CCDC102B: variants seen among roughly 807,000 people sequenced by gnomAD.
CCDC102B encodes the protein coiled-coil domain containing 102B.
Under a neutral mutation model 57.4 loss-of-function variants are expected in CCDC102B, and 75 were observed. The observed-to-expected ratio is 1.31, with a 90% confidence interval of 1.08 to 1.58. The LOEUF (loss-of-function observed/expected upper bound fraction) is 1.58. Among genes scored for constraint, CCDC102B ranks in the 40% most tolerant of loss-of-function variants. The probability of loss-of-function intolerance (pLI) is 0.00; values close to 1 mark genes in which losing one functional copy is unlikely to be tolerated. For missense variants in CCDC102B, 636 were observed against 582.6 expected (o/e 1.09, Z -0.94); for synonymous variants, 206 against 201.9 (o/e 1.02, Z -0.17).
chr18:69,021,375 A>G, intron 7 of CCDC102B, among the ~76,000 whole-genome samples: 1 of 152,210 alleles, frequency 6.6e-6, no homozygotes. Context: ...AAGAAATCAG[A>G]AAGAAGCCAT....
chr18:68,727,184 A>G (rs1170661469), intron 2 of CCDC102B, among the ~76,000 whole-genome samples: 4 of 152,216 alleles, frequency 2.6e-5, no homozygotes, highest in Non-Finnish European at 4.4e-5. Context: ...TGTTTGGACC[A>G]TATTGTGCTA....
At chr18:68,798,493 G>A (rs756540281) in intron 1 of CCDC102B, 1 of 152,120 alleles carries the variant, frequency 6.6e-6, no homozygotes, top group Non-Finnish European at 1.5e-5. Context: ...AATAGTATAT[G>A]TTGATATTAA....
intron 2 of CCDC102B, chr18:68,838,426 A>G: frequency 1.0e-6 from 1 of 985,322 alleles, no homozygotes; most frequent in Non-Finnish European, 1.2e-6. Context: ...AAGTTTGTGC[A>G]GAGTTATTTT....
chr18:68,978,196 G>C (rs2050490434), intron 6 of CCDC102B, among the ~76,000 whole-genome samples: 1 of 152,010 alleles, frequency 6.6e-6, no homozygotes, highest in Non-Finnish European at 1.5e-5. Flanking sequence ...TCAGGGAGAT[G>C]ATAACCTTAC....
intron 6 of CCDC102B, among the ~76,000 whole-genome samples, chr18:68,980,963 T>G: frequency 6.6e-6 from 1 of 152,090 alleles, no homozygotes; most frequent in East Asian, 1.9e-4. Flanking sequence ...TGAGCAACAT[T>G]ATAAGTCCCA....
chr18:69,021,582 A>G (rs764532110), intron 7 of CCDC102B, among the ~76,000 whole-genome samples: 2 of 152,222 alleles, frequency 1.3e-5, no homozygotes, highest in African/African-American at 2.4e-5. Context: ...TTCAATCCTA[A>G]GTATATACAG....
intron 2 of CCDC102B, among the ~76,000 whole-genome samples, chr18:68,787,063 T>C (rs1205420143): frequency 3.3e-5 from 5 of 149,574 alleles, no homozygotes; most frequent in Admixed American, 2.0e-4. Context: ...GTCAAAGGCC[T>C]TTTCTGCATC....
chr18:68,942,870 T>A (rs1189255973), intron 6 of CCDC102B, among the ~76,000 whole-genome samples: 2 of 137,924 alleles, frequency 1.5e-5, no homozygotes, highest in African/African-American at 5.1e-5. Context: ...CGAGGCCATG[T>A]TTCAGACTAT....
intron 2 of CCDC102B, among the ~76,000 whole-genome samples, chr18:68,782,657 A>T (rs141109282): frequency 2.8e-4 from 42 of 152,288 alleles, no homozygotes; most frequent in African/African-American, 9.4e-4. Flanking sequence ...AATTTCCAGT[A>T]GTTGGAAATA....
intron 3 of CCDC102B, among the ~76,000 whole-genome samples, chr18:68,842,757 G>A (rs2037692738): frequency 6.6e-6 from 1 of 152,180 alleles, no homozygotes. Flanking sequence ...CCGAAATAGT[G>A]TGCTTACAGG....
chr18:69,045,093 C>T (rs1051548906), intron 7 of CCDC102B, among the ~76,000 whole-genome samples: 3 of 152,146 alleles, frequency 2.0e-5, no homozygotes, highest in African/African-American at 4.8e-5. Flanking sequence ...CTTACAACTT[C>T]ATTTAGCCTT....
At chr18:69,035,537 G>A (rs1231625731) in intron 7 of CCDC102B, among the ~76,000 whole-genome samples, 1 of 152,006 alleles carries the variant, frequency 6.6e-6, no homozygotes, top group East Asian at 1.9e-4. Context: ...GGAGGACCTG[G>A]AATTGATTCT....
intron 6 of CCDC102B, among the ~76,000 whole-genome samples, chr18:68,998,999 TAGAGAGAGAGAG>T (rs60271182): frequency 0.013 from 578 of 43,216 alleles, no homozygotes; most frequent in East Asian, 0.027. Context: ...TATATATATA[TAGAGAGAGAGAG>T]AGAGAGAGAG....
At chr18:68,750,815 G>T (rs2033818077) in intron 2 of CCDC102B, among the ~76,000 whole-genome samples, 1 of 119,200 alleles carries the variant, frequency 8.4e-6, no homozygotes, top group South Asian at 3.4e-4. Flanking sequence ...GGGGGGAGGG[G>T]GGAGGGATAG....
upstream of CCDC102B, among the ~76,000 whole-genome samples, chr18:68,797,367 A>T (rs2035667049): frequency 6.6e-6 from 1 of 151,950 alleles, no homozygotes; most frequent in East Asian, 1.9e-4. Context: ...TACTTTGGAC[A>T]TTTTTTTGCT....
chr18:68,736,110 A>C (rs987137171), intron 2 of CCDC102B, among the ~76,000 whole-genome samples: 7 of 152,228 alleles, frequency 4.6e-5, no homozygotes, highest in African/African-American at 1.4e-4. Context: ...GGATTAAATT[A>C]TTTAGGTGGA....
intron 2 of CCDC102B, among the ~76,000 whole-genome samples, chr18:68,775,180 T>C (rs1336360732): frequency 6.6e-6 from 1 of 151,840 alleles, no homozygotes; most frequent in African/African-American, 2.4e-5. Context: ...ATTTGTGCTA[T>C]TTCTAACATA....
At chr18:68,816,880 A>G (rs1478394082) in intron 1 of CCDC102B, among the ~76,000 whole-genome samples, 1 of 152,220 alleles carries the variant, frequency 6.6e-6, no homozygotes, top group Admixed American at 6.5e-5. Context: ...GGTAATGATC[A>G]GTTGGTCTGC....
chr18:69,000,220 A>G (rs919711357), intron 6 of CCDC102B, among the ~76,000 whole-genome samples: 1 of 152,202 alleles, frequency 6.6e-6, no homozygotes, highest in Admixed American at 6.5e-5. Flanking sequence ...TGAACATGCT[A>G]TTATGTGTTA....
Sources: allele counts gnomAD v4.1 joint callset (sites outside exome capture counted in the v4.1 genomes callset), GRCh38; gene constraint gnomAD v4.1.1; transcripts MANE v1.5; gene names NCBI Gene and HGNC (gene_info 2026-07-23, HGNC 2026-07-21).